Variants in POM121L2 observed in about 807,000 individuals in gnomAD.
The protein encoded by POM121L2 is POM121-like protein 2.
For missense variants in POM121L2, 1,167 were observed against 1,260.3 expected (o/e 0.93, Z 1.12); for synonymous variants, 459 against 483.8 (o/e 0.95, Z 0.67).
chr6:27,312,214 G>T lies in POM121L2; in HGVS notation c.-44C>A. 2.4e-6 allele frequency: 3 copies of T among 1,268,802 alleles called. No homozygotes were observed. The highest frequency in any genetic ancestry group is 2.9e-5 in the Admixed American group (1 of 34,158). The allele number at this position is 1,268,802 out of a possible 1,614,324, so 78.6% of individuals were successfully genotyped here. On this transcript the variant is annotated 5_prime_UTR_variant, in exon 1 of 1. Coordinates refer to ENST00000444565, the MANE Select transcript of POM121L2 (RefSeq NM_033482.4). This position sits in a 1 kb window ranked among gnomAD's most constrained non-coding sequence, Gnocchi z 6.7. ...GGCAGTGAGTTCAAGCACGGTTTTG[G>T]CTTCCGAGGTTTCGGACGTCTGCAG...
At position 27,311,061 on chromosome 6, in the gene POM121L2, G is replaced by A; in HGVS notation, c.1110C>T (p.Val370=). ...SNNAGEDTTE[V]NTDPFPETWL... is the part of the protein sequence containing the mutation. Reference sequence around the variant, plus strand: ...AAGTCTCAGGGAAAGGGTCTGTGTTGACCTCAGTTGTATCTTCTCCTGCGT... The same window carrying A: ...AAGTCTCAGGGAAAGGGTCTGTGTTAACCTCAGTTGTATCTTCTCCTGCGT... The change falls in exon 1 of 1, where the codon GTC becomes GTT. Residue 370 remains valine (V), a synonymous_variant. Transcript: ENST00000444565. 6.4e-7 allele frequency: 1 copy of A among 1,551,968 alleles called. No homozygotes were observed. Among genetic ancestry groups the A allele is most frequent in the South Asian group, 1.2e-5 (1 of 84,042 alleles).
In POM121L2 at chr6:27,311,154, C is replaced by T; in HGVS notation, c.1017G>A (p.Gln339=). The change falls in exon 1 of 1, where the codon CAG becomes CAA. Residue 339 remains glutamine (Q), a synonymous_variant. Coordinates refer to ENST00000444565, the MANE Select transcript of POM121L2 (RefSeq NM_033482.4). ...TCTCATCAGAGACTGCATAACCAAGCTGGGGAGGTGGGATCTCTGACACCA... is the reference window on the plus strand; with the variant it reads ...TCTCATCAGAGACTGCATAACCAAGTTGGGGAGGTGGGATCTCTGACACCA... ...ENLVSEIPPP[Q]LGYAVSDENL... 1 of 1,551,916 alleles carries T rather than the reference C, an allele frequency of 6.4e-7. No individual in the cohort carries two copies. Among genetic ancestry groups the T allele is most frequent in the Non-Finnish European group, 8.7e-7 (1 of 1,147,056 alleles).
Position 27,309,376 on chromosome 6 carries a change from A to G in POM121L2, c.2795T>C (p.Met932Thr). 3.9e-6 allele frequency: 6 copies of G among 1,551,646 alleles called. No individual in the cohort carries two copies. Among genetic ancestry groups the G allele is most frequent in the Non-Finnish European group, 5.2e-6 (6 of 1,146,958 alleles). ...GALPSGTTNT[M>T]IPFGKGWSQN... is the part of the protein sequence containing the mutation. ...GCTCCAGCCTTTTCCAAAGGGGATC[A>G]TGGTGTTAGTGGTCCCACTAGGCAA... The change falls in exon 1 of 1, where the codon ATG becomes ACG. Residue 932 changes from methionine (M) to threonine (T), a missense_variant. Coordinates refer to ENST00000444565, the MANE Select transcript of POM121L2 (RefSeq NM_033482.4).
Position 27,311,599 on chromosome 6 carries a change from G to C in POM121L2, c.572C>G (p.Thr191Ser). Residue 191 changes from threonine (T) to serine (S), a missense_variant, in exon 1 of 1, where the codon ACC becomes AGC. Physicochemically the swap from Thr to Ser is moderately conservative, Grantham distance 58. Transcript: ENST00000444565. ...CAGGGGCTTAAATGCCGATGGTCTG[G>C]TCTCTGGACTCCTTCTCTTACTGTC... is the stretch of plus-strand genomic sequence containing the variant. ...SLDSKRRSPETRPSAFKPLMK... is the reference protein window; with the variant it reads ...SLDSKRRSPESRPSAFKPLMK... 1 of 1,551,718 alleles carries C rather than the reference G, an allele frequency of 6.4e-7. No individual in the cohort carries two copies. The highest frequency in any genetic ancestry group is 1.2e-5 in the South Asian group (1 of 84,062).
chr6:27,309,084 C>A lies in POM121L2; in HGVS notation c.3087G>T (p.Arg1029Ser), dbSNP rs781232579. The A allele has an allele frequency of 1.3e-6, 2 of 1,551,158 alleles. No individual in the cohort carries two copies. The highest frequency in any genetic ancestry group is 1.2e-5 in the South Asian group (1 of 83,920). The change falls in exon 1 of 1, where the codon AGG becomes AGT. Residue 1029 changes from arginine (R) to serine (S), a missense_variant. By Grantham distance (110) the Arg-to-Ser change is moderately radical (BLOSUM62 -1). Transcript: ENST00000444565. ...CAGGCTACTTCTTGTAGGCATGATG[C>A]CTTCGGGAATGCCCTTTCTCCCGAT... ...PKNREKGHSRRHHAYKK is the reference protein window; with the variant it reads ...PKNREKGHSRSHHAYKK
In POM121L2 at chr6:27,311,450, C is replaced by A; in HGVS notation, c.721G>T (p.Ala241Ser). The A allele has an allele frequency of 1.3e-6, 2 of 1,551,820 alleles. No homozygotes were observed. The highest frequency in any genetic ancestry group is 4.9e-5 in the East Asian group (2 of 40,930). Residue 241 changes from alanine (A) to serine (S), a missense_variant, in exon 1 of 1, where the codon GCC (alanine) becomes TCC (serine). Physicochemically the swap from Ala to Ser is moderately conservative, Grantham distance 99. Transcript: ENST00000444565. ...RPNCSSMSSL[A>S]SIYRGGTLSS... is the part of the protein sequence containing the mutation. ...AGGGTGCCACCTCTGTATATGCTGG[C>A]CAAGGAGCTCATGGAGGAGCAATTG...
At position 27,312,159 on chromosome 6, in the gene POM121L2, G is replaced by C. The variant is rs1760757301; in HGVS notation, c.12C>G (p.Phe4Leu). MGS[F>L]LSKLELSPSS... ...AGGGCGAAAGTTCCAGTTTGCTCAG[G>C]AAACTGCCCATGAGGAGAGATGAGG... The change falls in exon 1 of 1, where the codon TTC becomes TTG. Residue 4 changes from phenylalanine (F) to leucine (L), a missense_variant. By Grantham distance (22) the Phe-to-Leu change is conservative (BLOSUM62 0). Coordinates refer to ENST00000444565, the MANE Select transcript of POM121L2 (RefSeq NM_033482.4). This position sits in a 1 kb window ranked among gnomAD's most constrained non-coding sequence, Gnocchi z 6.7. 2 of 1,449,352 alleles carry C rather than the reference G, an allele frequency of 1.4e-6. No individual in the cohort carries two copies. The highest frequency in any genetic ancestry group is 5.0e-5 in the East Asian group (2 of 40,064). The allele number at this position is 1,449,352 out of a possible 1,614,324, so 89.8% of individuals were successfully genotyped here. A position where few individuals can be genotyped will look rare whatever the true frequency, so the allele number is the denominator to read the frequency against.
In POM121L2 at chr6:27,311,570, T is replaced by C. The variant is rs1760746385; in HGVS notation, c.601A>G (p.Lys201Glu). 1.3e-6 allele frequency: 2 copies of C among 1,551,748 alleles called. No individual in the cohort carries two copies. Among genetic ancestry groups the C allele is most frequent in the Non-Finnish European group, 8.7e-7 (1 of 1,147,016 alleles). ...TRPSAFKPLM[K>E]NGTLTSFVPR... ...ACAAAAGAAGTGAGGGTTCCATTTT[T>C]CATCAGGGGCTTAAATGCCGATGGT... The change falls in exon 1 of 1, where the codon AAA becomes GAA. Residue 201 changes from lysine (K) to glutamate (E), a missense_variant. Transcript: ENST00000444565.
chr6:27,312,071 G>T lies in POM121L2; in HGVS notation c.100C>A (p.Pro34Thr). The change falls in exon 1 of 1, where the codon CCC becomes ACC. Residue 34 changes from proline (P) to threonine (T), a missense_variant. Coordinates refer to ENST00000444565, the MANE Select transcript of POM121L2 (RefSeq NM_033482.4). The surrounding 1 kb of genome is among the most constrained non-coding windows in gnomAD (Gnocchi z 6.7). ...TGAACCCGATGAACTTGGTGAAGGG[G>T]CTGAGGTGGCCGGCGTTTCGTGGGC... ...ERPTKRRPPQ[P>T]LHQVHRVQFV... 1 of 1,506,314 alleles carries T rather than the reference G, an allele frequency of 6.6e-7. No individual in the cohort carries two copies. Among genetic ancestry groups the T allele is most frequent in the East Asian group, 2.5e-5 (1 of 40,374 alleles). 93.3% of individuals were successfully genotyped at this position (1,506,314 alleles called of 1,614,324 possible). A position where few individuals can be genotyped will look rare whatever the true frequency, so the allele number is the denominator to read the frequency against.
In POM121L2 at chr6:27,310,368, G is replaced by A; in HGVS notation, c.1803C>T (p.Thr601=). ...TAGAAGCATGAGTAAATGGAGGAGGGGTCTGCTTGGAGGAGAAAGGAGCTA... is the reference window on the plus strand; with the variant it reads ...TAGAAGCATGAGTAAATGGAGGAGGAGTCTGCTTGGAGGAGAAAGGAGCTA... The part of the protein sequence containing the change: ...PMIAPFSSKQ[T]PPPFTHASTH... Residue 601 remains threonine (T), a synonymous_variant, in exon 1 of 1, where the codon ACC becomes ACT. Transcript: ENST00000444565. 6.4e-7 allele frequency: 1 copy of A among 1,552,130 alleles called. No homozygotes were observed. The highest frequency in any genetic ancestry group is 8.7e-7 in the Non-Finnish European group (1 of 1,147,070).
In POM121L2 at chr6:27,308,739, A is replaced by C. The variant is rs1760702881; in HGVS notation, c.*324T>G. ...AGATGTTCTAATTGATAGACATTCA[A>C]CTTATTTGGAAAGTCTGGATATTAT... On this transcript the variant is annotated 3_prime_UTR_variant, in exon 1 of 1. Transcript: ENST00000444565. Among the ~76,000 whole-genome samples, 1 of 152,188 alleles carries C rather than the reference A, an allele frequency of 6.6e-6. No individual in the cohort carries two copies. Among genetic ancestry groups the C allele is most frequent in the Non-Finnish European group, 1.5e-5 (1 of 68,032 alleles).
In POM121L2 at chr6:27,311,917, T is replaced by C; in HGVS notation, c.254A>G (p.Gln85Arg). Reference protein sequence around the residue: ...AWRRFPMKKSQNSPLGPLPSD... With the variant: ...AWRRFPMKKSRNSPLGPLPSD... ...AGGGAGAGGCCCCAGGGGGGAATTC[T>C]GGGACTTCTTCATGGGAAAGCGCCT... is the stretch of plus-strand genomic sequence containing the variant. The change falls in exon 1 of 1, where the codon CAG (glutamine) becomes CGG (arginine). Residue 85 changes from glutamine to arginine, a missense_variant. Coordinates refer to ENST00000444565, the MANE Select transcript of POM121L2 (RefSeq NM_033482.4). 6.4e-7 allele frequency: 1 copy of C among 1,551,734 alleles called. No homozygotes were observed. The highest frequency in any genetic ancestry group is 8.7e-7 in the Non-Finnish European group (1 of 1,147,002).
Position 27,309,586 on chromosome 6 carries a change from G to A in POM121L2, c.2585C>T (p.Thr862Ile), listed in dbSNP as rs61736085. Residue 862 changes from threonine to isoleucine, a missense_variant, in exon 1 of 1, where the codon ACA (threonine) becomes ATA (isoleucine). Coordinates refer to ENST00000444565, the MANE Select transcript of POM121L2 (RefSeq NM_033482.4). ...PAGFPISQAS[T>I]TGFRIVIQTH... ...CTGAATTACAATTCTAAACCCAGTT[G>A]TACTAGCTTGACTAATGGGAAAACC... The A allele has an allele frequency of 5.1e-3, 7,908 of 1,551,816 alleles. 138 individuals are homozygous for A. The highest frequency in any genetic ancestry group is 0.038 in the South Asian group (3,205 of 84,058).
chr6:27,309,427 G>C lies in POM121L2; in HGVS notation c.2744C>G (p.Thr915Ser). 1 of 1,551,560 alleles carries C rather than the reference G, an allele frequency of 6.4e-7. No homozygotes were observed. The highest frequency in any genetic ancestry group is 8.7e-7 in the Non-Finnish European group (1 of 1,146,908). ...IIMTGPDMSP[T>S]SGAFSIGALP... ...TGCTCCAATGCTGAAAGCTCCAGAGGTGGGGCTCATGTCTGGACCAGTCAT... is the reference window on the plus strand; with the variant it reads ...TGCTCCAATGCTGAAAGCTCCAGAGCTGGGGCTCATGTCTGGACCAGTCAT... Residue 915 changes from threonine (T) to serine (S), a missense_variant, in exon 1 of 1, where the codon ACC (threonine) becomes AGC (serine). Coordinates refer to ENST00000444565, the MANE Select transcript of POM121L2 (RefSeq NM_033482.4).
At position 27,310,835 on chromosome 6, in the gene POM121L2, A is replaced by G. The variant is rs975498910; in HGVS notation, c.1336T>C (p.Cys446Arg). 6.4e-7 allele frequency: 1 copy of G among 1,551,528 alleles called. No individual in the cohort carries two copies. The highest frequency in any genetic ancestry group is 1.4e-5 in the African/African-American group (1 of 73,004). ...KTPSLPTPPG[C>R]SQSELLPGTS... ...CCTGGAAGGAGCTCTGACTGTGAGC[A>G]CCCAGGTGGGGTCGGTAGGCTGGGT... Residue 446 changes from cysteine to arginine, a missense_variant, in exon 1 of 1, where the codon TGC becomes CGC. By Grantham distance (180) the Cys-to-Arg change is radical. Coordinates refer to ENST00000444565, the MANE Select transcript of POM121L2 (RefSeq NM_033482.4).
chr6:27,311,491 CT>C, upstream of POM121L2: 2 of 1,551,802 alleles, frequency 1.3e-6, no homozygotes, highest in Non-Finnish European at 1.7e-6. Flanking sequence ...CTTAGTCAAG[CT>C]GTGATCTGAG....
chr6:27,309,157 G>A lies in POM121L2; in HGVS notation c.3014C>T (p.Ser1005Leu), dbSNP rs1448036551. Residue 1005 changes from serine (S) to leucine (L), a missense_variant, in exon 1 of 1, where the codon TCA (serine) becomes TTA (leucine). Coordinates refer to ENST00000444565, the MANE Select transcript of POM121L2 (RefSeq NM_033482.4). ...GCCAATGGAAAATGAAGAGGCTGAT[G>A]ATCTAAAAGGTCCTCTCCCAACAGA... The part of the protein sequence containing the change: ...QGSVGRGPFR[S>L]SASSFSIGAK... 6 of 1,551,644 alleles carry A rather than the reference G, an allele frequency of 3.9e-6. No homozygotes were observed. The highest frequency in any genetic ancestry group is 5.2e-6 in the Non-Finnish European group (6 of 1,147,024).
In POM121L2 at chr6:27,310,578, G is replaced by T; in HGVS notation, c.1593C>A (p.His531Gln). ...ASAPPDATSA[H>Q]LMLKPILGPL... ...GCCCCAAAATCGGTTTTAACATGAG[G>T]TGAGCAGAAGTTGCATCAGGAGGTG... Residue 531 changes from histidine to glutamine, a missense_variant, in exon 1 of 1, where the codon CAC becomes CAA. Physicochemically the swap from His to Gln is conservative, Grantham distance 24. Coordinates refer to ENST00000444565, the MANE Select transcript of POM121L2 (RefSeq NM_033482.4). The T allele has an allele frequency of 6.4e-7, 1 of 1,552,020 alleles. No homozygotes were observed. Among genetic ancestry groups the T allele is most frequent in the Non-Finnish European group, 8.7e-7 (1 of 1,147,066 alleles).
Position 27,312,117 on chromosome 6 carries a change from C to T in POM121L2, c.54G>A (p.Val18=). The change falls in exon 1 of 1, where the codon GTG becomes GTA. Residue 18 remains valine (V), a synonymous_variant. Coordinates refer to ENST00000444565, the MANE Select transcript of POM121L2 (RefSeq NM_033482.4). The surrounding 1 kb of genome is among the most constrained non-coding windows in gnomAD (Gnocchi z 6.7). ...TGGGCCTCTCGGGCAAGTCGGTGCG[C>T]ACCTGGGCTGGGGACGAGGGCGAAA... ...LELSPSSPAQ[V]RTDLPERPTK... 2 of 1,466,336 alleles carry T rather than the reference C, an allele frequency of 1.4e-6. No homozygotes were observed. The highest frequency in any genetic ancestry group is 2.5e-5 in the East Asian group (1 of 40,188). The allele number at this position is 1,466,336 out of a possible 1,614,324, so 90.8% of individuals were successfully genotyped here. A position where few individuals can be genotyped will look rare whatever the true frequency, so the allele number is the denominator to read the frequency against.
Sources: allele counts gnomAD v4.1 joint callset (sites outside exome capture counted in the v4.1 genomes callset), GRCh38; gene constraint gnomAD v4.1.1; non-coding constraint Gnocchi (gnomAD v3.1); transcripts MANE v1.5; gene names NCBI Gene and HGNC (gene_info 2026-07-23, HGNC 2026-07-21).